The following KIF13A variants were observed in gnomAD, a reference collection of about 807,000 sequenced individuals.
KIF13A encodes the protein kinesin-like protein KIF13A.
Under a neutral mutation model 212.2 loss-of-function variants are expected in KIF13A, and 79 were observed. The observed-to-expected ratio is 0.37, with a 90% CI of 0.31 to 0.45. KIF13A has a LOEUF of 0.45. KIF13A is among the 20% of genes least tolerant of loss of function. KIF13A has a pLI of 1.00. For synonymous variants in KIF13A, 789 were observed against 808.6 expected (o/e 0.98, Z 0.41); for missense variants, 1,901 against 2,209.0 (o/e 0.86, Z 2.79).
At chr6:17,921,120 C>G (rs900989091) in intron 2 of KIF13A, among the ~76,000 whole-genome samples, 1 of 152,128 alleles carries the variant, frequency 6.6e-6, no homozygotes, top group South Asian at 2.1e-4. Context: ...GCAAGACACA[C>G]TAATGTTAGT....
chr6:17,851,436 C>A (rs571389558), intron 7 of KIF13A, among the ~76,000 whole-genome samples: 6 of 152,218 alleles, frequency 3.9e-5, no homozygotes, highest in African/African-American at 1.4e-4. Flanking sequence ...ATGAGATTTC[C>A]AAAGCAATCA....
intron 9 of KIF13A, among the ~76,000 whole-genome samples, chr6:17,844,706 T>C (rs1326132331): frequency 1.3e-5 from 2 of 152,236 alleles, no homozygotes; most frequent in Non-Finnish European, 2.9e-5. Flanking sequence ...AGAGTTTTGC[T>C]GTCCTTGATG....
chr6:17,800,883 G>A (rs913451997), intron 20 of KIF13A, among the ~76,000 whole-genome samples: 1 of 151,930 alleles, frequency 6.6e-6, no homozygotes, highest in African/African-American at 2.4e-5. Flanking sequence ...ACAATCATAA[G>A]CCACCGTGTC....
chr6:17,823,687 C>T (rs1318480868), intron 16 of KIF13A, among the ~76,000 whole-genome samples: 2 of 151,780 alleles, frequency 1.3e-5, no homozygotes, highest in East Asian at 2.0e-4. Flanking sequence ...AGGCTGGTCT[C>T]GAACTCCCGG....
chr6:17,888,622 G>A lies in KIF13A; in HGVS notation c.159+9546C>T, dbSNP rs570652436. Among the ~76,000 whole-genome samples, 12 of 152,252 alleles carry A rather than the reference G, an allele frequency of 7.9e-5. No homozygotes were observed. The East Asian group carries it at 1.2e-3, about 15-fold the overall frequency. ...GCAGATCACTTGAGGCCGGGAGTTC[G>A]AGACCAGCTTGGCCAACATGGTGAA... On this transcript the variant is annotated intron_variant, in intron 3 of 38. Coordinates refer to ENST00000259711, the MANE Select transcript of KIF13A (RefSeq NM_022113.6). The surrounding 1 kb of genome is among the most constrained non-coding windows in gnomAD (Gnocchi z 4.8).
chr6:17,950,325 G>T, intron 2 of KIF13A: 1 of 802,378 alleles, frequency 1.2e-6, no homozygotes, highest in Non-Finnish European at 1.5e-6. Context: ...AACCAGAAGG[G>T]ATTTAAACAA....
chr6:17,824,069 G>A (rs560926280), intron 16 of KIF13A, among the ~76,000 whole-genome samples: 37 of 152,006 alleles, frequency 2.4e-4, no homozygotes, highest in Non-Finnish European at 3.8e-4. Flanking sequence ...CACCATGCCT[G>A]GCTAACTTTT....
chr6:17,763,926 C>A lies in KIF13A; in HGVS notation c.*184G>T. 1.4e-6 allele frequency: 2 copies of A among 1,431,326 alleles called. No homozygotes were observed. The highest frequency in any genetic ancestry group is 1.8e-6 in the Non-Finnish European group (2 of 1,097,606). 88.7% of individuals were successfully genotyped at this position (1,431,326 alleles called of 1,614,324 possible). On this transcript the variant is annotated 3_prime_UTR_variant, in exon 39 of 39. Transcript: ENST00000259711. ...GTGCCAGGTAAAAAAATCCACTGGT[C>A]TTATAATTTCACAATTGCGTTCTAG...
chr6:17,862,048 G>A (rs763985909), intron 4 of KIF13A, among the ~76,000 whole-genome samples: 2 of 152,078 alleles, frequency 1.3e-5, no homozygotes, highest in Non-Finnish European at 2.9e-5. Context: ...ACAGGATCTC[G>A]CTTTGTGTCC....
intron 16 of KIF13A, among the ~76,000 whole-genome samples, chr6:17,819,007 T>A (rs1455837413): frequency 1.3e-5 from 2 of 150,412 alleles, no homozygotes; most frequent in Non-Finnish European, 3.0e-5. Flanking sequence ...ACTTTTTTTT[T>A]TTTTTTTTTT....
chr6:17,904,067 G>C (rs1222135311), intron 2 of KIF13A, among the ~76,000 whole-genome samples: 1 of 152,056 alleles, frequency 6.6e-6, no homozygotes, highest in Admixed American at 6.6e-5. Flanking sequence ...TGAGGCAGAA[G>C]GATCCCGTGA....
rs1236267912 is a variant in KIF13A at position 17,967,612 on chromosome 6, C to T, written c.146+19442G>A. On this transcript the variant is annotated intron_variant, in intron 2 of 38. Coordinates refer to ENST00000259711, the MANE Select transcript of KIF13A (RefSeq NM_022113.6). The surrounding 1 kb of genome is among the most constrained non-coding windows in gnomAD (Gnocchi z 4.1). The stretch of plus-strand genomic sequence containing the variant: ...TTATCCATTTCCATAGTCATGATGC[C>T]CCCACACACAGACTGCTATCAGCAA... 1.3e-5 allele frequency among the ~76,000 whole-genome samples: 2 copies of T among 152,086 alleles called. No homozygotes were observed. The highest frequency in any genetic ancestry group is 2.9e-5 in the Non-Finnish European group (2 of 68,010).
rs1258596629 is a variant in KIF13A at position 17,765,783 on chromosome 6, G to C, written c.4582-837C>G. Among the ~76,000 whole-genome samples, 3 of 152,142 alleles carry C rather than the reference G, an allele frequency of 2.0e-5. No homozygotes were observed. The East Asian group carries it at 5.8e-4, about 29-fold the overall frequency. On this transcript the variant is annotated intron_variant, in intron 38 of 38. Transcript: ENST00000259711. ...GGTAGAAAAAATGTGGGTATTTTAA[G>C]TCCAAATAAAATAAGTGATAAACTC... is the stretch of plus-strand genomic sequence containing the variant.
At chr6:17,859,636 ATATTT>A (rs1454743543) in intron 4 of KIF13A, among the ~76,000 whole-genome samples, 18 of 111,068 alleles carry the variant, frequency 1.6e-4, no homozygotes, top group African/African-American at 6.3e-4. Context: ...ATATATATAT[ATATTT>A]TTTTTTTTTT....
At chr6:17,935,553 T>C (rs1159799896) in intron 2 of KIF13A, among the ~76,000 whole-genome samples, 1 of 152,196 alleles carries the variant, frequency 6.6e-6, no homozygotes, top group Non-Finnish European at 1.5e-5. Context: ...GTAGCCAGTG[T>C]TGAAAACCAC....
chr6:17,987,348 T>G lies in KIF13A; in HGVS notation c.55+61A>C. On this transcript the variant is annotated intron_variant, in intron 1 of 38. Transcript: ENST00000259711. This position sits in a 1 kb window ranked among gnomAD's most constrained non-coding sequence, Gnocchi z 7.7. ...GCTCTCGCCGTCCCGGCCCCGCAGT[T>G]TCTAAAGTTGCCCCCGCCCTCAGCC... 1 of 1,199,798 alleles carries G rather than the reference T, an allele frequency of 8.3e-7. No individual in the cohort carries two copies. The highest frequency in any genetic ancestry group is 1.1e-6 in the Non-Finnish European group (1 of 917,312). The allele number at this position is 1,199,798 out of a possible 1,614,324, so 74.3% of individuals were successfully genotyped here.
At chr6:17,819,676 A>G (rs1327183822) in intron 16 of KIF13A, among the ~76,000 whole-genome samples, 1 of 152,188 alleles carries the variant, frequency 6.6e-6, no homozygotes, top group African/African-American at 2.4e-5. Flanking sequence ...ATATAATAAC[A>G]ACCTATGTAT....
chr6:17,969,331 GT>G (rs1467660255), intron 2 of KIF13A, among the ~76,000 whole-genome samples: 2 of 152,160 alleles, frequency 1.3e-5, no homozygotes, highest in African/African-American at 4.8e-5. Context: ...TTGTACTCTA[GT>G]TATTGGGGGC....
At chr6:17,865,652 A>C (rs1769293874) in intron 4 of KIF13A, among the ~76,000 whole-genome samples, 1 of 152,242 alleles carries the variant, frequency 6.6e-6, no homozygotes, top group Non-Finnish European at 1.5e-5. Flanking sequence ...TTTAAGTTAA[A>C]TGACCAAAAA....
Sources: gnomAD v4.1 joint callset for allele counts (sites outside exome capture counted in the v4.1 genomes callset) on GRCh38, gnomAD v4.1.1 for gene constraint, Gnocchi (gnomAD v3.1) non-coding constraint, MANE v1.5 for transcripts, NCBI Gene and HGNC (gene_info 2026-07-23, HGNC 2026-07-21) for gene names.